The following UNC5D variants were observed in gnomAD, a reference collection of about 807,000 sequenced individuals.
UNC5D encodes netrin receptor UNC5D.
Under a neutral mutation model 105.4 loss-of-function variants are expected in UNC5D, and 39 were observed. That is an observed-to-expected ratio of 0.37 (90% CI 0.29 to 0.48). The LOEUF is 0.48. Among genes scored for constraint, UNC5D ranks in the 20% least tolerant of loss-of-function variants. The pLI is 0.98. For missense variants in UNC5D, 991 were observed against 1,202.4 expected (o/e 0.82, Z 2.60); for synonymous variants, 452 against 450.4 (o/e 1.00, Z -0.04).
At chr8:35,525,171 C>T (rs1418956173) in intron 1 of UNC5D, 1 of 1,609,252 alleles carries the variant, frequency 6.2e-7, no homozygotes, top group Non-Finnish European at 8.5e-7. Flanking sequence ...TCCATGTGTA[C>T]GGACTCAGGA....
chr8:35,559,062 A>G (rs927675040), intron 2 of UNC5D, among the ~76,000 whole-genome samples: 27 of 152,154 alleles, frequency 1.8e-4, no homozygotes, highest in African/African-American at 6.5e-4. Flanking sequence ...ACCAAGGCCC[A>G]GCATTACTCA....
chr8:35,324,405 T>C (rs891295670), intron 1 of UNC5D, among the ~76,000 whole-genome samples: 20 of 148,474 alleles, frequency 1.3e-4, no homozygotes, highest in African/African-American at 4.9e-4. Flanking sequence ...CTTTCCAGTT[T>C]GTTGTTCATT....
At chr8:35,495,684 A>C (rs1303625223) in intron 1 of UNC5D, among the ~76,000 whole-genome samples, 1 of 152,092 alleles carries the variant, frequency 6.6e-6, no homozygotes, top group African/African-American at 2.4e-5. Context: ...ACTAGTTCTC[A>C]GTTTACCTGG....
chr8:35,364,044 C>T lies in UNC5D; in HGVS notation c.103+128157C>T, dbSNP rs199591607. Among the ~76,000 whole-genome samples, 7 of 152,118 alleles carry T rather than the reference C, an allele frequency of 4.6e-5. No homozygotes were observed. In the East Asian group the frequency reaches 9.7e-4, roughly 21 times the overall value. On this transcript the variant is annotated intron_variant, in intron 1 of 16. Coordinates refer to ENST00000404895, the MANE Select transcript of UNC5D (RefSeq NM_080872.4). ...ATAAAAAACACAAAAATTAGACAGG[C>T]GTCTCAGGCCTCCAAGTAGCTAAGC...
At chr8:35,438,933 A>G (rs1807213280) in intron 1 of UNC5D, among the ~76,000 whole-genome samples, 1 of 152,060 alleles carries the variant, frequency 6.6e-6, no homozygotes, top group Non-Finnish European at 1.5e-5. Flanking sequence ...AAGGCTAAGC[A>G]TATAAGTGGA....
chr8:35,729,651 G>A (rs1829082379), intron 10 of UNC5D, among the ~76,000 whole-genome samples: 1 of 152,180 alleles, frequency 6.6e-6, no homozygotes, highest in South Asian at 2.1e-4. Context: ...CTTGTGTTTA[G>A]CAGCAGGGAG....
intron 1 of UNC5D, among the ~76,000 whole-genome samples, chr8:35,518,418 A>G (rs1480968109): frequency 5.3e-5 from 8 of 152,150 alleles, no homozygotes; most frequent in Non-Finnish European, 1.2e-4. Context: ...TTATGAAAAT[A>G]GAACCCTACA....
intron 1 of UNC5D, among the ~76,000 whole-genome samples, chr8:35,311,147 A>G (rs1808848885): frequency 6.6e-6 from 1 of 152,112 alleles, no homozygotes; most frequent in Non-Finnish European, 1.5e-5. Context: ...AGAAAGGGGG[A>G]TTGGAGAAAG....
At chr8:35,598,611 A>C (rs960109364) in intron 4 of UNC5D, among the ~76,000 whole-genome samples, 5 of 152,230 alleles carry the variant, frequency 3.3e-5, no homozygotes, top group Non-Finnish European at 5.9e-5. Context: ...TGTTCATTGC[A>C]GCACTGTTCA....
At chr8:35,613,202 T>A (rs1820804366) in intron 4 of UNC5D, among the ~76,000 whole-genome samples, 2 of 152,202 alleles carry the variant, frequency 1.3e-5, no homozygotes, top group South Asian at 4.1e-4. Context: ...TTCAGCCTCC[T>A]GAGTAGTTAG....
intron 15 of UNC5D, among the ~76,000 whole-genome samples, chr8:35,767,410 G>C (rs2131712971): frequency 6.6e-6 from 1 of 152,174 alleles, no homozygotes; most frequent in African/African-American, 2.4e-5. Flanking sequence ...GAAGCCAGAT[G>C]GTACAGTTGA....
At chr8:35,602,143 T>G (rs1024169585) in intron 4 of UNC5D, among the ~76,000 whole-genome samples, 8 of 152,194 alleles carry the variant, frequency 5.3e-5, no homozygotes, top group South Asian at 2.1e-4. Context: ...TCCCAGGGAT[T>G]AAGCCCACTT....
intron 1 of UNC5D, among the ~76,000 whole-genome samples, chr8:35,526,590 T>C (rs755007035): frequency 6.6e-6 from 1 of 152,190 alleles, no homozygotes; most frequent in Non-Finnish European, 1.5e-5. Flanking sequence ...TTTTTTTGTT[T>C]CTGCAATGCT....
intron 2 of UNC5D, among the ~76,000 whole-genome samples, chr8:35,558,989 A>G (rs745825396): frequency 6.7e-6 from 1 of 149,536 alleles, no homozygotes; most frequent in Non-Finnish European, 1.5e-5. Context: ...CTCCAGGGGA[A>G]AAAAAAAAAG....
chr8:35,523,611 A>T (rs987588721), intron 1 of UNC5D, among the ~76,000 whole-genome samples: 32 of 148,686 alleles, frequency 2.2e-4, no homozygotes, highest in African/African-American at 6.9e-4. Flanking sequence ...TGGTTAAAAA[A>T]ATTTGGGTTT....
intron 1 of UNC5D, among the ~76,000 whole-genome samples, chr8:35,315,236 C>T (rs1374732882): frequency 3.3e-5 from 5 of 152,076 alleles, no homozygotes; most frequent in Non-Finnish European, 7.4e-5. Flanking sequence ...AAAATCCAAC[C>T]CCATAACTTA....
intron 1 of UNC5D, among the ~76,000 whole-genome samples, chr8:35,442,906 A>T (rs58416208): frequency 0.091 from 5,980 of 66,010 alleles, 221 homozygotes; most frequent in African/African-American, 0.25. Flanking sequence ...TCTCTCTCTC[A>T]CACACACACA....
At chr8:35,486,462 G>A (rs917824950) in intron 1 of UNC5D, among the ~76,000 whole-genome samples, 1 of 152,080 alleles carries the variant, frequency 6.6e-6, no homozygotes, top group Non-Finnish European at 1.5e-5. Flanking sequence ...AATGATCTTC[G>A]ATCTTTTCTA....
At chr8:35,400,985 T>C (rs758626455) in intron 1 of UNC5D, among the ~76,000 whole-genome samples, 15 of 152,186 alleles carry the variant, frequency 9.9e-5, no homozygotes, top group Non-Finnish European at 1.9e-4. Context: ...GCTGATTTCT[T>C]GGCACCAGTA....
Sources: allele counts gnomAD v4.1 joint callset (sites outside exome capture counted in the v4.1 genomes callset), GRCh38; gene constraint gnomAD v4.1.1; transcripts MANE v1.5; gene names NCBI Gene and HGNC (gene_info 2026-07-23, HGNC 2026-07-21).